MCTP2: variants seen among roughly 807,000 people sequenced by gnomAD.
The protein encoded by MCTP2 is multiple C2 and transmembrane domain-containing protein 2.
Under a neutral mutation model 111.6 loss-of-function variants are expected in MCTP2, and 132 were observed. The observed-to-expected ratio is 1.18, with a 90% CI of 1.03 to 1.37. MCTP2 has a LOEUF of 1.37. MCTP2 is among the 40% of genes most tolerant of loss of function. The probability of loss-of-function intolerance (pLI) is 0.00; values close to 1 mark genes in which losing one functional copy is unlikely to be tolerated. For synonymous variants in MCTP2, 395 were observed against 387.7 expected, an observed-to-expected ratio of 1.02 and a Z score of -0.22; for missense variants, 1,183 against 1,067.9, an observed-to-expected ratio of 1.11 and a Z score of -1.50.
chr15:94,284,027 T>G (rs1439969204), intron 1 of MCTP2, among the ~76,000 whole-genome samples: 1 of 152,208 alleles, frequency 6.6e-6, no homozygotes, highest in East Asian at 1.9e-4. Flanking sequence ...CAATGGGAAC[T>G]CATTAACTGC....
intron 1 of MCTP2, among the ~76,000 whole-genome samples, chr15:94,256,398 T>C (rs1567284987): frequency 6.6e-6 from 1 of 152,156 alleles, no homozygotes; most frequent in Non-Finnish European, 1.5e-5. Flanking sequence ...CAACCTGTAG[T>C]AGGAATAAAA....
chr15:94,457,233 A>G (rs1433937285), intron 19 of MCTP2, among the ~76,000 whole-genome samples: 1 of 152,214 alleles, frequency 6.6e-6, no homozygotes, highest in Non-Finnish European at 1.5e-5. Context: ...AGCAAAGTCA[A>G]TAAGGGAGCT....
intron 7 of MCTP2, chr15:94,342,967 CAT>C (rs545179935): frequency 1.2e-3 from 184 of 149,690 alleles, no homozygotes; most frequent in African/African-American, 4.2e-3. Context: ...TATATATACA[CAT>C]ATATATGGAT....
rs565284639 is a variant in MCTP2 at position 94,480,782 on chromosome 15, G to A, written c.*1748G>A. On this transcript the variant is annotated 3_prime_UTR_variant, in exon 23 of 23. Transcript: ENST00000357742. ...ATAACCCCTTATTTATTTAAAAGTG[G>A]AACCAATACTTTATTGTTGTTCTTT... The A allele has an allele frequency of 1.1e-3, 171 of 152,256 alleles. No individual in the cohort carries two copies. Among genetic ancestry groups the A allele is most frequent in the African/African-American group, 4.0e-3 (167 of 41,546 alleles). 9.4% of individuals were successfully genotyped at this position (152,256 alleles called of 1,614,324 possible). A position where few individuals can be genotyped will look rare whatever the true frequency, so the allele number is the denominator to read the frequency against.
At chr15:94,387,442 C>G (rs182028664) in intron 14 of MCTP2, among the ~76,000 whole-genome samples, 1 of 152,222 alleles carries the variant, frequency 6.6e-6, no homozygotes, top group East Asian at 1.9e-4. Flanking sequence ...CTGACCTAAA[C>G]TAATGCATTT....
chr15:94,361,014 G>A (rs867086495), intron 10 of MCTP2, among the ~76,000 whole-genome samples: 2 of 141,568 alleles, frequency 1.4e-5, no homozygotes, highest in African/African-American at 2.7e-5. Context: ...GAAAGATTGT[G>A]CTAGCATATG....
chr15:94,452,119 T>G (rs1031999347), intron 19 of MCTP2, among the ~76,000 whole-genome samples: 1 of 152,200 alleles, frequency 6.6e-6, no homozygotes, highest in South Asian at 2.1e-4. Flanking sequence ...GACTCCATGG[T>G]CTGCTGTATA....
At chr15:94,458,417 T>G (rs912866989) in intron 20 of MCTP2, among the ~76,000 whole-genome samples, 171 bp downstream of exon 20, 2 of 152,194 alleles carry the variant, frequency 1.3e-5, no homozygotes, top group African/African-American at 4.8e-5. Flanking sequence ...AACTTCACAG[T>G]TGGGTGGTGC....
chr15:94,329,755 T>C (rs2077050304), intron 4 of MCTP2, among the ~76,000 whole-genome samples: 1 of 152,216 alleles, frequency 6.6e-6, no homozygotes, highest in Non-Finnish European at 1.5e-5. Context: ...AGTGAAATGC[T>C]TCCTACAGTG....
At chr15:94,466,934 G>A (rs536172523) in intron 20 of MCTP2, among the ~76,000 whole-genome samples, 1 of 152,130 alleles carries the variant, frequency 6.6e-6, no homozygotes, top group South Asian at 2.1e-4. Flanking sequence ...TTTGTAGCTA[G>A]TATTATTTTC....
chr15:94,347,132 T>G (rs12910914), intron 8 of MCTP2, among the ~76,000 whole-genome samples: 46,053 of 152,032 alleles, frequency 0.3, 7,646 homozygotes, highest in African/African-American at 0.42. Context: ...CTTCTGAGAA[T>G]GTACAGTTTT....
chr15:94,260,126 G>A lies in MCTP2; in HGVS notation c.-66+28462G>A, dbSNP rs559661867. 1.6e-3 allele frequency among the ~76,000 whole-genome samples: 250 copies of A among 152,270 alleles called. 1 individual carries two copies. The highest frequency in any genetic ancestry group is 6.8e-3 in the Middle Eastern group (2 of 294). On this transcript the variant is annotated intron_variant, in intron 1 of 22. Coordinates refer to ENST00000357742, the MANE Select transcript of MCTP2 (RefSeq NM_001385001.1). ...CCTCTCATGTTGTCTTCTCACTTCT[G>A]TTTTCTCTACCCAAGGAACCTTGAG...
At chr15:94,370,975 T>C (rs1468997525) in intron 12 of MCTP2, among the ~76,000 whole-genome samples, 1 of 152,174 alleles carries the variant, frequency 6.6e-6, no homozygotes, top group Non-Finnish European at 1.5e-5. Context: ...GGGCTACTCT[T>C]TTTCTTCCTT....
chr15:94,264,944 T>A (rs1444403295), intron 1 of MCTP2, among the ~76,000 whole-genome samples: 7 of 152,232 alleles, frequency 4.6e-5, no homozygotes, highest in African/African-American at 1.7e-4. Context: ...TGATTCTCAC[T>A]ATCTTTTAAA....
chr15:94,311,543 C>T (rs28464874), intron 2 of MCTP2, among the ~76,000 whole-genome samples: 2,905 of 152,178 alleles, frequency 0.019, 94 homozygotes, highest in African/African-American at 0.063. Context: ...TGTCCCCCAG[C>T]GGCTGTAACT....
chr15:94,411,584 G>T (rs1440646652), intron 17 of MCTP2, among the ~76,000 whole-genome samples: 1 of 152,092 alleles, frequency 6.6e-6, no homozygotes, highest in African/African-American at 2.4e-5. Context: ...TCTGGTCAGG[G>T]TTTACTACAG....
At chr15:94,409,958 CCCT>C (rs1234265877) in intron 17 of MCTP2, among the ~76,000 whole-genome samples, 1 of 150,692 alleles carries the variant, frequency 6.6e-6, no homozygotes, top group African/African-American at 2.4e-5. Context: ...TCTCCAGAAG[CCCT>C]CCTCACCTCC....
chr15:94,416,080 T>C (rs571698009), intron 17 of MCTP2, among the ~76,000 whole-genome samples: 1 of 152,268 alleles, frequency 6.6e-6, no homozygotes, highest in African/African-American at 2.4e-5. Flanking sequence ...GAGCATTTTC[T>C]ACCCACTATG....
chr15:94,472,375 TC>T lies in MCTP2; in HGVS notation c.2470+1934del, dbSNP rs564977208. Reference sequence around the variant, plus strand: ...CTGGGCAACAGAACAAGACTCCGTCTCAAAATCAAAACAAAACAAAAAAACG... The same window carrying T: ...CTGGGCAACAGAACAAGACTCCGTCTAAAATCAAAACAAAACAAAAAAACG... On this transcript the variant is annotated intron_variant, in intron 21 of 22. Transcript: ENST00000357742. Among the ~76,000 whole-genome samples the T allele has an allele frequency of 5.8e-4, 89 of 152,314 alleles. 2 individuals are homozygous for T. In the South Asian group the frequency reaches 0.018, roughly 30 times the overall value.
Sources: gnomAD v4.1 joint callset for allele counts (sites outside exome capture counted in the v4.1 genomes callset) on GRCh38, gnomAD v4.1.1 for gene constraint, MANE v1.5 for transcripts, NCBI Gene and HGNC (gene_info 2026-07-23, HGNC 2026-07-21) for gene names.